REEP3: variants seen among roughly 807,000 people sequenced by gnomAD.
REEP3 encodes the protein receptor accessory protein 3, also known as receptor expression-enhancing protein 3.
REEP3 carries 20 observed loss-of-function variants against 41.3 expected under a neutral mutation model. The observed-to-expected ratio is 0.48, with a 90% CI of 0.34 to 0.70. The LOEUF (loss-of-function observed/expected upper bound fraction) is 0.70, where lower values mean the gene tolerates loss of function less well. Among genes scored for constraint, REEP3 ranks in the 30% least tolerant of loss-of-function variants. REEP3 has a pLI of 0.01. For synonymous variants in REEP3, 104 were observed against 101.8 expected, an observed-to-expected ratio of 1.02 and a Z score of -0.13; for missense variants, 271 against 308.8, an observed-to-expected ratio of 0.88 and a Z score of 0.92.
At chr10:63,522,010 G>T (rs1322490422) in intron 1 of REEP3, among the ~76,000 whole-genome samples, 1 of 151,950 alleles carries the variant, frequency 6.6e-6, no homozygotes, top group African/African-American at 2.4e-5. Flanking sequence ...CGCCGAGCGC[G>T]GGAGGCTCCG....
intron 2 of REEP3, among the ~76,000 whole-genome samples, chr10:63,579,805 G>T (rs1955932934): frequency 6.6e-6 from 1 of 152,158 alleles, no homozygotes; most frequent in Admixed American, 6.5e-5. Context: ...GTAAGTTGGA[G>T]GGAGGCCTAG....
chr10:63,563,955 A>C (rs1444840556), intron 1 of REEP3, among the ~76,000 whole-genome samples: 3 of 152,198 alleles, frequency 2.0e-5, no homozygotes, highest in Non-Finnish European at 4.4e-5. Flanking sequence ...GGTGATAAAA[A>C]ACAAAGTCTG....
At position 63,571,709 on chromosome 10, in the gene REEP3, G is replaced by A. The variant is rs528562066; in HGVS notation, c.105+5299G>A. Among the ~76,000 whole-genome samples, 3 of 152,304 alleles carry A rather than the reference G, an allele frequency of 2.0e-5. No individual in the cohort carries two copies. In the South Asian group the frequency reaches 6.2e-4, roughly 32 times the overall value. On this transcript the variant is annotated intron_variant, in intron 2 of 7. Coordinates refer to ENST00000373758, the MANE Select transcript of REEP3 (RefSeq NM_001001330.3). ...AGAGATTAAGACACAGACATCTTTA[G>A]GGGAGAGAGGGCATTTTTCTGCCTA...
At chr10:63,590,468 T>C (rs1329069657) in intron 2 of REEP3, among the ~76,000 whole-genome samples, 1 of 152,222 alleles carries the variant, frequency 6.6e-6, no homozygotes, top group African/African-American at 2.4e-5. Context: ...TTAGTGCTTA[T>C]AGGTGTAAAC....
chr10:63,528,618 G>A (rs1955388906), intron 1 of REEP3, among the ~76,000 whole-genome samples: 8 of 152,122 alleles, frequency 5.3e-5, no homozygotes, highest in Admixed American at 4.6e-4. Context: ...CCTCACTCAG[G>A]AAAGCCAGGT....
chr10:63,568,482 C>T (rs1034136723), intron 2 of REEP3, among the ~76,000 whole-genome samples: 5 of 151,680 alleles, frequency 3.3e-5, no homozygotes, highest in Admixed American at 6.6e-5. Flanking sequence ...TTAGCCAGGA[C>T]GGTCTCGATC....
chr10:63,539,045 T>C (rs918704382), intron 1 of REEP3, among the ~76,000 whole-genome samples: 4 of 152,218 alleles, frequency 2.6e-5, no homozygotes, highest in African/African-American at 9.6e-5. Context: ...GAATGCAAAG[T>C]AACTAAATTT....
intron 5 of REEP3, among the ~76,000 whole-genome samples, chr10:63,609,780 T>TATAA (rs1415632280): frequency 6.6e-6 from 1 of 151,764 alleles, no homozygotes; most frequent in African/African-American, 2.4e-5. Flanking sequence ...AATAAATAAA[T>TATAA]ATAAATAAAT....
chr10:63,557,588 G>A (rs1451879566), intron 1 of REEP3, among the ~76,000 whole-genome samples: 3 of 152,144 alleles, frequency 2.0e-5, no homozygotes, highest in African/African-American at 4.8e-5. Flanking sequence ...ATTTTGACGT[G>A]TTGCAGGGTT....
chr10:63,611,799 T>TA (rs1392031050), intron 6 of REEP3, among the ~76,000 whole-genome samples: 6 of 151,406 alleles, frequency 4.0e-5, no homozygotes, highest in Non-Finnish European at 8.8e-5. Flanking sequence ...TTTTTTTTTT[T>TA]ATTAGCTGAG....
chr10:63,530,070 C>T (rs114766959), intron 1 of REEP3, among the ~76,000 whole-genome samples: 1,560 of 152,244 alleles, frequency 0.01, 22 homozygotes, highest in African/African-American at 0.036. Flanking sequence ...TGAGCCACTG[C>T]GCCCTGATGA....
At position 63,610,305 on chromosome 10, in the gene REEP3, A is replaced by G; in HGVS notation, c.536A>G (p.Lys179Arg). 1 of 1,561,614 alleles carries G rather than the reference A, an allele frequency of 6.4e-7. No individual in the cohort carries two copies. The highest frequency in any genetic ancestry group is 8.7e-7 in the Non-Finnish European group (1 of 1,151,514). ...PYQPLPEAKKKSKPAPSESAG... is the reference protein window; with the variant it reads ...PYQPLPEAKKRSKPAPSESAG... ...CAACCTCTACCAGAAGCAAAAAAGAAAAGTAAACCAGCCCCCAGTGAATCA... is the reference window on the plus strand; with the variant it reads ...CAACCTCTACCAGAAGCAAAAAAGAGAAGTAAACCAGCCCCCAGTGAATCA... Residue 179 changes from lysine to arginine, a missense_variant, in exon 6 of 8, where the codon AAA (lysine) becomes AGA (arginine). Lys to Arg is a conservative substitution (Grantham distance 26). Transcript: ENST00000373758.
In REEP3 at chr10:63,568,093, T is replaced by A. The variant is rs577572967; in HGVS notation, c.105+1683T>A. 2.7e-5 allele frequency among the ~76,000 whole-genome samples: 4 copies of A among 148,360 alleles called. No individual in the cohort carries two copies. The East Asian group carries it at 7.7e-4, about 29-fold the overall frequency. ...TGGTAATTTAAATTCATTTTATACA[T>A]GGCTTGAAGGTTCATATTCTAATAT... is the stretch of plus-strand genomic sequence containing the variant. On this transcript the variant is annotated intron_variant, in intron 2 of 7. Coordinates refer to ENST00000373758, the MANE Select transcript of REEP3 (RefSeq NM_001001330.3).
At position 63,622,380 on chromosome 10, in the gene REEP3, A is replaced by G. The variant is rs995192001; in HGVS notation, c.*1511A>G. The G allele has an allele frequency of 1.1e-4, 16 of 152,160 alleles. No homozygotes were observed. Among genetic ancestry groups the G allele is most frequent in the African/African-American group, 3.9e-4 (16 of 41,442 alleles). 9.4% of individuals were successfully genotyped at this position (152,160 alleles called of 1,614,324 possible). The stretch of plus-strand genomic sequence containing the variant: ...CTAGTCATAAAATATTTTATGGATT[A>G]TTTCACATTCTTCATATATAACAAG... On this transcript the variant is annotated 3_prime_UTR_variant, in exon 8 of 8. Transcript: ENST00000373758.
chr10:63,529,646 T>G (rs1380014082), intron 1 of REEP3, among the ~76,000 whole-genome samples: 2 of 151,840 alleles, frequency 1.3e-5, no homozygotes, highest in Non-Finnish European at 2.9e-5. Flanking sequence ...TATTTTACTT[T>G]TGTAGAGATG....
At chr10:63,539,669 T>C (rs1337683469) in intron 1 of REEP3, among the ~76,000 whole-genome samples, 1 of 152,222 alleles carries the variant, frequency 6.6e-6, no homozygotes, top group Non-Finnish European at 1.5e-5. Context: ...ACTGAACACA[T>C]GATAAATTAA....
In REEP3 at chr10:63,598,802, AG is replaced by A. The variant is rs1402200481; in HGVS notation, c.304-367del. Among the ~76,000 whole-genome samples the A allele has an allele frequency of 9.8e-4, 148 of 150,810 alleles. 1 individual carries two copies. The highest frequency in any genetic ancestry group is 3.6e-3 in the African/African-American group (147 of 41,210). ...CCATCTCAAAAAAAAAAAAAAAAGA[AG>A]CGCCTGGGCTGGGTGCAGTGGCTCA... On this transcript the variant is annotated intron_variant, in intron 4 of 7. Transcript: ENST00000373758.
intron 1 of REEP3, among the ~76,000 whole-genome samples, chr10:63,525,574 A>G (rs935239151): frequency 1.3e-5 from 2 of 152,136 alleles, no homozygotes; most frequent in African/African-American, 4.8e-5. Flanking sequence ...ATGTGCTACC[A>G]TGCCCAGCTA....
intron 6 of REEP3, 121 bp from the exon 7 acceptor site, chr10:63,619,534 T>C (rs1956336870): frequency 2.6e-6 from 2 of 771,574 alleles, no homozygotes; most frequent in East Asian, 5.4e-5. Flanking sequence ...ACATTCCAGA[T>C]GCAAAAAGAG....
Sources: gnomAD v4.1 joint callset for allele counts (sites outside exome capture counted in the v4.1 genomes callset) on GRCh38, gnomAD v4.1.1 for gene constraint, MANE v1.5 for transcripts, NCBI Gene and HGNC (gene_info 2026-07-23, HGNC 2026-07-21) for gene names.